KDM7A: variants seen among roughly 807,000 people sequenced by gnomAD.
KDM7A encodes lysine-specific demethylase 7A.
A neutral mutation model predicts 114.8 loss-of-function variants in KDM7A; 28 were observed. That is an observed-to-expected ratio of 0.24 (90% CI 0.18 to 0.33). KDM7A has a LOEUF of 0.33. KDM7A is among the 10% of genes least tolerant of loss of function. The pLI, the probability that KDM7A is intolerant of heterozygous loss-of-function variation, is 1.00. For missense variants in KDM7A, 942 were observed against 1,142.5 expected (o/e 0.82, Z 2.53); for synonymous variants, 423 against 397.8 (o/e 1.06, Z -0.75).
chr7:140,123,749 T>C (rs943164519), intron 7 of KDM7A, among the ~76,000 whole-genome samples: 1 of 152,040 alleles, frequency 6.6e-6, no homozygotes, highest in African/African-American at 2.4e-5. Flanking sequence ...CATGAAAAGA[T>C]GAAGTAATGA....
intron 17 of KDM7A, chr7:140,095,595 T>C: frequency 3.9e-6 from 1 of 256,962 alleles, no homozygotes; most frequent in South Asian, 3.2e-5. Context: ...TTAAGTGAAA[T>C]AACCAGGCAT....
At chr7:140,117,711 A>G (rs754707298) in intron 9 of KDM7A, among the ~76,000 whole-genome samples, 20 of 152,208 alleles carry the variant, frequency 1.3e-4, no homozygotes, top group Non-Finnish European at 2.8e-4. Context: ...GGAGACTATA[A>G]ACTCTATTGT....
intron 10 of KDM7A, among the ~76,000 whole-genome samples, chr7:140,111,911 C>T (rs949981582): frequency 5.3e-5 from 8 of 150,458 alleles, no homozygotes; most frequent in African/African-American, 2.0e-4. Flanking sequence ...TGCCACTACA[C>T]TCTAGTCTGC....
At chr7:140,096,426 G>T in intron 17 of KDM7A, 129 bp downstream of exon 17, 3 of 718,664 alleles carry the variant, frequency 4.2e-6, no homozygotes, top group Non-Finnish European at 6.9e-6. Flanking sequence ...GCTTTTTTTG[G>T]TCAACCTTCT....
rs374353232 is a variant in KDM7A, at chr7:140,113,519, G to A, written c.1310C>T (p.Thr437Ile). The A allele has an allele frequency of 9.4e-6, 15 of 1,599,096 alleles. No individual in the cohort carries two copies. Among genetic ancestry groups the A allele is most frequent in the Admixed American group, 3.4e-5 (2 of 59,276 alleles). Residue 437 changes from threonine to isoleucine, a missense_variant, in exon 10 of 20, where the codon ACT (threonine) becomes ATT (isoleucine). By Grantham distance (89) the Thr-to-Ile change is moderately conservative (BLOSUM62 -1). This residue lies in a region of KDM7A where 318 missense variants were observed against 453.1 expected (regional missense o/e 0.70). Coordinates refer to ENST00000397560, the MANE Select transcript of KDM7A (RefSeq NM_030647.2). ...TTTTTTCATCCATAATTTTAAAGCA[G>A]TATGCAGTGCTTTCACTCCCTGTAC... ...YLVQGVKALH[T>I]ALKLWMKKEL...
chr7:140,167,112 AAAAT>A (rs765888786), intron 1 of KDM7A, among the ~76,000 whole-genome samples: 50 of 152,308 alleles, frequency 3.3e-4, no homozygotes, highest in Non-Finnish European at 6.6e-4. Context: ...AGATATAAAT[AAAAT>A]AAATAAAAGA....
chr7:140,173,274 T>C (rs561233953), intron 1 of KDM7A, among the ~76,000 whole-genome samples: 2 of 152,204 alleles, frequency 1.3e-5, no homozygotes, highest in East Asian at 1.9e-4. Flanking sequence ...AATTATACAC[T>C]GTACCCTGCC....
chr7:140,120,573 T>A, intron 7 of KDM7A, 44 bp from the exon 8 acceptor site: 1 of 1,128,144 alleles, frequency 8.9e-7, no homozygotes. Flanking sequence ...TTTCAATATG[T>A]AAACTAAACC....
intron 1 of KDM7A, among the ~76,000 whole-genome samples, chr7:140,161,138 T>G (rs1366047934): frequency 1.3e-5 from 2 of 152,218 alleles, no homozygotes; most frequent in African/African-American, 2.4e-5. Context: ...TGCATATAGT[T>G]TACAACCCAT....
chr7:140,095,088 T>C (rs1015307945), intron 17 of KDM7A, among the ~76,000 whole-genome samples: 4 of 152,216 alleles, frequency 2.6e-5, no homozygotes, highest in African/African-American at 9.7e-5. Flanking sequence ...CCTCAGGTGA[T>C]CCGCCCACCT....
chr7:140,100,909 C>T (rs921712867), intron 12 of KDM7A, among the ~76,000 whole-genome samples: 3 of 151,042 alleles, frequency 2.0e-5, no homozygotes, highest in Non-Finnish European at 3.0e-5. Flanking sequence ...TACAGGCACC[C>T]GCCACTGCGC....
At chr7:140,167,171 T>C (rs1794585909) in intron 1 of KDM7A, among the ~76,000 whole-genome samples, 1 of 152,190 alleles carries the variant, frequency 6.6e-6, no homozygotes, top group African/African-American at 2.4e-5. Flanking sequence ...TATTAACATA[T>C]CAGCTCTCAT....
intron 5 of KDM7A, among the ~76,000 whole-genome samples, 181 bp from the exon 6 acceptor site, chr7:140,127,004 G>A (rs147089143): frequency 0.025 from 3,739 of 152,304 alleles, 161 homozygotes; most frequent in African/African-American, 0.086. Flanking sequence ...CTGTCGCCTA[G>A]GCTAGAGTGC....
At chr7:140,169,107 T>C (rs1350801044) in intron 1 of KDM7A, among the ~76,000 whole-genome samples, 2 of 151,958 alleles carry the variant, frequency 1.3e-5, no homozygotes, top group Non-Finnish European at 1.5e-5. Flanking sequence ...TATTCTCCAA[T>C]AAAAAGGAAA....
intron 1 of KDM7A, among the ~76,000 whole-genome samples, chr7:140,144,926 G>A (rs1233535176): frequency 6.6e-6 from 1 of 152,094 alleles, no homozygotes; most frequent in African/African-American, 2.4e-5. Flanking sequence ...CACCATGAGA[G>A]CACCTACTCC....
At chr7:140,111,006 T>C in intron 11 of KDM7A, 89 bp downstream of exon 11, 1 of 732,054 alleles carries the variant, frequency 1.4e-6, no homozygotes, top group Non-Finnish European at 2.2e-6. Flanking sequence ...GTGTAAGAGT[T>C]TTTAAATATT....
chr7:140,091,252 G>A, intron 19 of KDM7A, 64 bp from the exon 20 acceptor site: 1 of 1,086,854 alleles, frequency 9.2e-7, no homozygotes, highest in South Asian at 1.2e-5. Flanking sequence ...GCACCTGGAA[G>A]ACTACGGGGA....
Position 140,176,085 on chromosome 7 carries a change from A to G in KDM7A, c.194+659T>C, listed in dbSNP as rs1381862882. On this transcript the variant is annotated intron_variant, in intron 1 of 19. Transcript: ENST00000397560. The surrounding 1 kb of genome is among the most constrained non-coding windows in gnomAD (Gnocchi z 4.4). ...CCCCGGCACCTTTCAAGTCCCCGAG[A>G]GCGAGTGCCTCATCTGTTGCTCTGT... Among the ~76,000 whole-genome samples, 2 of 151,276 alleles carry G rather than the reference A, an allele frequency of 1.3e-5. No homozygotes were observed. The highest frequency in any genetic ancestry group is 4.0e-4 in the East Asian group (2 of 5,034).
chr7:140,144,602 A>T (rs1309053571), intron 1 of KDM7A, among the ~76,000 whole-genome samples: 2 of 152,170 alleles, frequency 1.3e-5, no homozygotes, highest in Non-Finnish European at 2.9e-5. Flanking sequence ...AGGAAAGGAA[A>T]TATAAAAGGG....
Sources: gnomAD v4.1 joint callset for allele counts (sites outside exome capture counted in the v4.1 genomes callset) on GRCh38, gnomAD v4.1.1 for gene constraint, gnomAD v4.1.1 regional missense constraint, Gnocchi (gnomAD v3.1) non-coding constraint, MANE v1.5 for transcripts, NCBI Gene and HGNC (gene_info 2026-07-23, HGNC 2026-07-21) for gene names.